Variants in SOX5 observed in about 807,000 individuals in gnomAD.
SOX5 encodes the protein transcription factor SOX-5.
Under a neutral mutation model 92.0 loss-of-function variants are expected in SOX5, and 9 were observed. The observed-to-expected ratio is 0.10, with a 90% confidence interval of 0.06 to 0.17. The LOEUF is 0.17. Among genes scored for constraint, SOX5 ranks in the 10% least tolerant of loss-of-function variants. SOX5 has a pLI of 1.00. For synonymous variants in SOX5, 344 were observed against 336.3 expected (o/e 1.02, Z -0.25); for missense variants, 642 against 944.5 (o/e 0.68, Z 4.20).
chr12:23,786,558 G>T (rs371563369), intron 3 of SOX5, among the ~76,000 whole-genome samples: 1 of 140,488 alleles, frequency 7.1e-6, no homozygotes, highest in Admixed American at 7.1e-5. Context: ...AAAAAAAAAA[G>T]AAAAAAGAGA....
At chr12:24,158,373 A>C (rs1053259499) in intron 4 of SOX5, among the ~76,000 whole-genome samples, 12 of 152,058 alleles carry the variant, frequency 7.9e-5, no homozygotes, top group African/African-American at 2.4e-4. Flanking sequence ...AATAAATACG[A>C]CTGAATTATT....
intron 8 of SOX5, among the ~76,000 whole-genome samples, chr12:23,633,819 C>T (rs2078869097): frequency 6.6e-6 from 1 of 152,126 alleles, no homozygotes. Flanking sequence ...CACACACTAT[C>T]ACATAATATA....
At chr12:24,371,913 A>T (rs774673282) in intron 1 of SOX5, among the ~76,000 whole-genome samples, 4 of 151,946 alleles carry the variant, frequency 2.6e-5, no homozygotes, top group Non-Finnish European at 4.4e-5. Flanking sequence ...GCTTGAACCC[A>T]GGAAGTGGAG....
chr12:23,738,967 A>G (rs2093701682), intron 5 of SOX5, among the ~76,000 whole-genome samples: 1 of 152,240 alleles, frequency 6.6e-6, no homozygotes, highest in Admixed American at 6.5e-5. Flanking sequence ...TTTCATTAAA[A>G]ATAAAACGAA....
intron 4 of SOX5, 47 bp from the exon 5 acceptor site, chr12:23,741,086 T>A: frequency 7.0e-7 from 1 of 1,433,110 alleles, no homozygotes. Flanking sequence ...TGAAAAAAAG[T>A]AATTATTTCA....
At chr12:23,844,608 G>A (rs2096554678) in intron 3 of SOX5, among the ~76,000 whole-genome samples, 1 of 152,042 alleles carries the variant, frequency 6.6e-6, no homozygotes, top group South Asian at 2.1e-4. Flanking sequence ...ACCTTTCAAA[G>A]AGGAAGAAAA....
At chr12:23,733,076 A>G (rs961298202) in intron 6 of SOX5, among the ~76,000 whole-genome samples, 8 of 152,176 alleles carry the variant, frequency 5.3e-5, no homozygotes, top group Non-Finnish European at 1.0e-4. Context: ...GTGTTGGCTA[A>G]TCTAATTGGT....
At chr12:24,375,736 C>CAAAA (rs34949948) in intron 1 of SOX5, among the ~76,000 whole-genome samples, 1 of 120,350 alleles carries the variant, frequency 8.3e-6, no homozygotes, top group African/African-American at 3.2e-5. Context: ...AACTCTGTCT[C>CAAAA]AAAAAAAAAA....
chr12:23,950,850 CAG>C (rs756116833), upstream of SOX5: 107 of 1,533,764 alleles, frequency 7.0e-5, no homozygotes, highest in Non-Finnish European at 8.6e-5. Context: ...CACATACACA[CAG>C]AGAGAGAGAC....
At chr12:24,321,309 TG>T (rs1950198072) in intron 2 of SOX5, among the ~76,000 whole-genome samples, 1 of 152,240 alleles carries the variant, frequency 6.6e-6, no homozygotes, top group African/African-American at 2.4e-5. Context: ...AATTTATATT[TG>T]TGTAGAAAAA....
At chr12:23,786,951 G>T (rs1202381472) in intron 3 of SOX5, among the ~76,000 whole-genome samples, 15 of 145,666 alleles carry the variant, frequency 1.0e-4, no homozygotes, top group African/African-American at 3.8e-4. Context: ...AGTTTACTGT[G>T]ATCACAGTTG....
intron 8 of SOX5, among the ~76,000 whole-genome samples, chr12:23,623,988 T>A (rs2077473174): frequency 6.6e-6 from 1 of 152,128 alleles, no homozygotes; most frequent in Non-Finnish European, 1.5e-5. Flanking sequence ...ATAGATACTA[T>A]GGAATATTAT....
chr12:23,875,925 A>C (rs767179849), intron 2 of SOX5, among the ~76,000 whole-genome samples: 4 of 152,212 alleles, frequency 2.6e-5, no homozygotes, highest in Admixed American at 2.0e-4. Flanking sequence ...CCTCTATTGG[A>C]AATACTGTAG....
intron 7 of SOX5, among the ~76,000 whole-genome samples, chr12:23,664,667 G>A (rs1251035096): frequency 1.3e-5 from 2 of 152,114 alleles, no homozygotes; most frequent in Admixed American, 6.6e-5. Context: ...GAAATCACAG[G>A]CATCTAAAGT....
Position 24,558,109 on chromosome 12 carries a change from C to T in SOX5, c.-251+4220G>A, listed in dbSNP as rs765094109. Among the ~76,000 whole-genome samples the T allele has an allele frequency of 3.9e-5, 6 of 152,060 alleles. No homozygotes were observed. In the South Asian group the frequency reaches 8.3e-4, roughly 21 times the overall value. ...ACAAGTTTATCTCTATGGAATTAGA[C>T]GATCATAATAAACTGCCAAAATAAC... is the stretch of plus-strand genomic sequence containing the variant. On this transcript the variant is annotated intron_variant, in intron 1 of 4. Transcript: ENST00000446891.
At chr12:24,096,690 CAT>C (rs751524901) in intron 4 of SOX5, among the ~76,000 whole-genome samples, 6 of 152,128 alleles carry the variant, frequency 3.9e-5, no homozygotes, top group Non-Finnish European at 7.4e-5. Flanking sequence ...TGTACAGACA[CAT>C]GTTATGTATC....
intron 4 of SOX5, among the ~76,000 whole-genome samples, chr12:24,006,859 T>C (rs1224228708): frequency 6.6e-6 from 1 of 151,824 alleles, no homozygotes; most frequent in Non-Finnish European, 1.5e-5. Context: ...CTGAAGTGGG[T>C]GCGGTGCCTC....
At chr12:23,954,842 A>G (rs1946090856), upstream of SOX5, among the ~76,000 whole-genome samples, 1 of 152,110 alleles carries the variant, frequency 6.6e-6, no homozygotes, top group African/African-American at 2.4e-5. Context: ...CTCTAGTTTC[A>G]TACTTCTCTC....
chr12:24,085,185 G>A (rs185278769), intron 4 of SOX5, among the ~76,000 whole-genome samples: 23 of 152,264 alleles, frequency 1.5e-4, no homozygotes, highest in Admixed American at 1.3e-3. Context: ...GCAAGCAAGA[G>A]CATGGCCAGG....
Sources: allele counts gnomAD v4.1 joint callset (sites outside exome capture counted in the v4.1 genomes callset), GRCh38; gene constraint gnomAD v4.1.1; transcripts MANE v1.5; gene names NCBI Gene and HGNC (gene_info 2026-07-23, HGNC 2026-07-21).